The following FSTL5 variants were observed in gnomAD, a reference collection of about 807,000 sequenced individuals.
FSTL5 encodes follistatin-related protein 5.
FSTL5 carries 62 observed loss-of-function variants against 89.1 expected under a neutral mutation model. The ratio of observed to expected loss-of-function variants is 0.70; its 90% confidence interval spans 0.57 to 0.86. FSTL5 has a LOEUF of 0.86. Among genes scored for constraint, FSTL5 ranks in the 40% least tolerant of loss-of-function variants. FSTL5 has a pLI of 0.00. For synonymous variants in FSTL5, 383 were observed against 346.2 expected (o/e 1.11, Z -1.18); for missense variants, 1,057 against 1,001.6 (o/e 1.06, Z -0.75).
chr4:161,836,100 T>C (rs1334299853), intron 4 of FSTL5, among the ~76,000 whole-genome samples: 4 of 152,064 alleles, frequency 2.6e-5, no homozygotes, highest in South Asian at 2.1e-4. Flanking sequence ...GTGGCACATA[T>C]ACACCATGGA....
At chr4:161,922,623 T>A (rs970227830) in intron 3 of FSTL5, among the ~76,000 whole-genome samples, 1 of 151,926 alleles carries the variant, frequency 6.6e-6, no homozygotes, top group African/African-American at 2.4e-5. Context: ...GTGATATTTC[T>A]GCTTCCAGGA....
chr4:161,998,962 A>G (rs1206069318), intron 3 of FSTL5, among the ~76,000 whole-genome samples: 1 of 151,340 alleles, frequency 6.6e-6, no homozygotes, highest in Non-Finnish European at 1.5e-5. Context: ...TCTCTGTTTC[A>G]ATGTGATGCT....
At chr4:161,818,712 C>G (rs1290912616) in intron 4 of FSTL5, among the ~76,000 whole-genome samples, 1 of 152,132 alleles carries the variant, frequency 6.6e-6, no homozygotes, top group African/African-American at 2.4e-5. Flanking sequence ...GGAACGATTC[C>G]TTTTCTTTTA....
At chr4:161,639,494 T>G (rs1735868332) in intron 7 of FSTL5, among the ~76,000 whole-genome samples, 1 of 152,140 alleles carries the variant, frequency 6.6e-6, no homozygotes, top group Non-Finnish European at 1.5e-5. Context: ...CATAAATTAT[T>G]ATTGCAATTA....
intron 1 of FSTL5, among the ~76,000 whole-genome samples, chr4:162,136,097 A>G (rs1207925014): frequency 2.6e-5 from 4 of 152,060 alleles, no homozygotes; most frequent in Non-Finnish European, 5.9e-5. Flanking sequence ...TGATACACCC[A>G]TATCTCAGAA....
intron 6 of FSTL5, chr4:161,664,726 T>C (rs1736827130): frequency 1.3e-5 from 2 of 153,604 alleles, no homozygotes; most frequent in African/African-American, 4.8e-5. Context: ...CCCATTCTAC[T>C]GGTACCAATT....
intron 4 of FSTL5, among the ~76,000 whole-genome samples, chr4:161,809,015 G>A (rs968303440): frequency 3.9e-5 from 6 of 152,114 alleles, no homozygotes; most frequent in Non-Finnish European, 2.9e-5. Flanking sequence ...TCAGAAGATC[G>A]AGACCATCCT....
chr4:161,496,671 T>C (rs930982133), intron 12 of FSTL5, among the ~76,000 whole-genome samples: 8 of 152,252 alleles, frequency 5.3e-5, no homozygotes, highest in African/African-American at 1.9e-4. Context: ...AACTCTTATC[T>C]GAATTTCCTG....
chr4:161,910,041 A>G (rs1733646630), intron 4 of FSTL5, among the ~76,000 whole-genome samples: 1 of 152,154 alleles, frequency 6.6e-6, no homozygotes, highest in African/African-American at 2.4e-5. Context: ...CTGTTTTACC[A>G]AAAGCTACCC....
intron 7 of FSTL5, among the ~76,000 whole-genome samples, chr4:161,639,345 C>G (rs1211092193): frequency 6.6e-6 from 1 of 152,144 alleles, no homozygotes; most frequent in Non-Finnish European, 1.5e-5. Context: ...CATAAGCTAC[C>G]TATCCTTCCC....
At chr4:161,996,726 A>G (rs990957526) in intron 3 of FSTL5, among the ~76,000 whole-genome samples, 2 of 152,200 alleles carry the variant, frequency 1.3e-5, no homozygotes, top group South Asian at 2.1e-4. Context: ...GGACTGTTTG[A>G]TAAGTCTCCC....
At chr4:161,925,416 G>C (rs550207219) in intron 3 of FSTL5, among the ~76,000 whole-genome samples, 2 of 151,688 alleles carry the variant, frequency 1.3e-5, no homozygotes, top group African/African-American at 2.4e-5. Flanking sequence ...ACTTTCAATA[G>C]GTTTTTACAA....
At chr4:161,970,602 C>T (rs1364207358) in intron 3 of FSTL5, among the ~76,000 whole-genome samples, 4 of 151,952 alleles carry the variant, frequency 2.6e-5, no homozygotes, top group Non-Finnish European at 4.4e-5. Context: ...AAAATGCTGC[C>T]TTATGGAGAA....
chr4:161,509,392 T>C (rs183584609), intron 11 of FSTL5, among the ~76,000 whole-genome samples: 5 of 152,256 alleles, frequency 3.3e-5, no homozygotes, highest in Admixed American at 3.3e-4. Context: ...AGGTGAAATA[T>C]TTGAAGTGGA....
chr4:161,887,766 A>G (rs1181362112), intron 4 of FSTL5, among the ~76,000 whole-genome samples: 2 of 152,110 alleles, frequency 1.3e-5, no homozygotes, highest in Non-Finnish European at 2.9e-5. Flanking sequence ...TCTCCTTAAG[A>G]CTAGTCTTCT....
At position 161,479,597 on chromosome 4, in the gene FSTL5, C is replaced by T. The variant is rs529409349; in HGVS notation, c.1608+1423G>A. 2.8e-3 allele frequency among the ~76,000 whole-genome samples: 430 copies of T among 152,248 alleles called. 3 individuals are homozygous for T. Among genetic ancestry groups the T allele is most frequent in the Non-Finnish European group, 5.0e-3 (343 of 67,988 alleles). On this transcript the variant is annotated intron_variant, in intron 13 of 15. Transcript: ENST00000306100. ...AAAAGCCAATCTAGTCAAAATCCAA[C>T]AGTCTCAAAAATCGGAAACAAAAGA...
intron 1 of FSTL5, among the ~76,000 whole-genome samples, chr4:162,143,738 A>AT: frequency 7.6e-6 from 1 of 130,724 alleles, no homozygotes; most frequent in Non-Finnish European, 1.7e-5. Flanking sequence ...ACACACACAC[A>AT]CACACACACA....
At chr4:161,571,180 T>C (rs1338685249) in intron 8 of FSTL5, among the ~76,000 whole-genome samples, 1 of 151,608 alleles carries the variant, frequency 6.6e-6, no homozygotes. Flanking sequence ...GGAAAGAAAG[T>C]AATGGATTAT....
chr4:162,053,917 A>G (rs971384933), intron 2 of FSTL5, among the ~76,000 whole-genome samples: 5 of 151,806 alleles, frequency 3.3e-5, no homozygotes, highest in African/African-American at 1.2e-4. Context: ...AATTTTTTCC[A>G]GAGGAAAAAA....
Sources: gnomAD v4.1 joint callset for allele counts (sites outside exome capture counted in the v4.1 genomes callset) on GRCh38, gnomAD v4.1.1 for gene constraint, MANE v1.5 for transcripts, NCBI Gene and HGNC (gene_info 2026-07-23, HGNC 2026-07-21) for gene names.